ADGRL1: variants seen among roughly 807,000 people sequenced by gnomAD.
ADGRL1 encodes the protein adhesion G protein-coupled receptor L1.
A neutral mutation model predicts 148.9 loss-of-function variants in ADGRL1; 31 were observed. The observed-to-expected ratio is 0.21, with a 90% CI of 0.16 to 0.28. ADGRL1 has a LOEUF of 0.28. ADGRL1 is among the 10% of genes least tolerant of loss of function. ADGRL1 has a pLI of 1.00. For synonymous variants in ADGRL1, 937 were observed against 900.3 expected (o/e 1.04, Z -0.73); for missense variants, 1,521 against 2,058.8 (o/e 0.74, Z 5.05).
At chr19:14,198,766 C>T (rs964196437) in intron 1 of ADGRL1, among the ~76,000 whole-genome samples, 9 of 152,152 alleles carry the variant, frequency 5.9e-5, no homozygotes, top group African/African-American at 2.2e-4. Flanking sequence ...CACAGATGCT[C>T]CTTCCCCTCC....
At chr19:14,191,697 T>TC (rs200381074) in intron 1 of ADGRL1, among the ~76,000 whole-genome samples, 55 of 106,654 alleles carry the variant, frequency 5.2e-4, no homozygotes, top group African/African-American at 1.7e-3. Context: ...TGTCTCTCTC[T>TC]TTTTTTTTTT....
In ADGRL1 at chr19:14,160,758, C is replaced by A; in HGVS notation, c.1511-62G>T. 1.1e-6 allele frequency: 1 copy of A among 944,070 alleles called. No individual in the cohort carries two copies. The allele number at this position is 944,070 out of a possible 1,614,324, so 58.5% of individuals were successfully genotyped here. On this transcript the variant is annotated intron_variant, in intron 6 of 22. Coordinates refer to ENST00000361434, the MANE Select transcript of ADGRL1 (RefSeq NM_014921.5). The surrounding 1 kb of genome is among the most constrained non-coding windows in gnomAD (Gnocchi z 5.9). The stretch of plus-strand genomic sequence containing the variant: ...CAAAGGGAAGAAGAGAAGGATGGGA[C>A]AGAGAGGGGGAAAGGAGATGACAGA...
At chr19:14,205,417 A>AC (rs1266248642) in intron 1 of ADGRL1, among the ~76,000 whole-genome samples, 8 of 150,588 alleles carry the variant, frequency 5.3e-5, no homozygotes, top group Admixed American at 2.0e-4. Flanking sequence ...ACCCAGACGG[A>AC]CCCCTCCCCA....
intron 1 of ADGRL1, among the ~76,000 whole-genome samples, chr19:14,198,715 G>T (rs1972420289): frequency 1.3e-5 from 2 of 151,900 alleles, no homozygotes; most frequent in Non-Finnish European, 2.9e-5. Context: ...TCCCCTTTGA[G>T]CCACCATCTT....
At chr19:14,194,401 C>T (rs1400762926) in intron 1 of ADGRL1, among the ~76,000 whole-genome samples, 2 of 152,190 alleles carry the variant, frequency 1.3e-5, no homozygotes, top group Non-Finnish European at 2.9e-5. Context: ...AAACAGCAAA[C>T]GACAGGGTGA....
rs1472010164 is a variant in ADGRL1, at chr19:14,162,215, T to A, written c.1195+391A>T. 6.6e-6 allele frequency among the ~76,000 whole-genome samples: 1 copy of A among 152,136 alleles called. No homozygotes were observed. Among genetic ancestry groups the A allele is most frequent in the Non-Finnish European group, 1.5e-5 (1 of 68,032 alleles). ...GCCCGGTCAGCATCAGCAGCTCAGC[T>A]CTTTTGTGGATACTGGACTTCCACC... On this transcript the variant is annotated intron_variant, in intron 5 of 22. Transcript: ENST00000361434. This position sits in a 1 kb window ranked among gnomAD's most constrained non-coding sequence, Gnocchi z 5.4.
At position 14,184,632 on chromosome 19, in the gene ADGRL1, TTA is replaced by T. The variant is rs1568618720; in HGVS notation, c.-95-937_-95-936del. ...TTTATTTATTTATTTATTTATTTATTTATTTATTTATTTATTTTTTTTTCTGA... is the reference window on the plus strand; with the variant it reads ...TTTATTTATTTATTTATTTATTTATTTTTATTTATTTATTTTTTTTTCTGA... On this transcript the variant is annotated intron_variant, in intron 1 of 22. Coordinates refer to ENST00000361434, the MANE Select transcript of ADGRL1 (RefSeq NM_014921.5). Among the ~76,000 whole-genome samples, 93 of 129,758 alleles carry T rather than the reference TTA, an allele frequency of 7.2e-4. 1 individual carries two copies. The highest frequency in any genetic ancestry group is 3.1e-3 in the African/African-American group (89 of 28,348). 85.1% of individuals were successfully genotyped at this position (129,758 alleles called of 152,430 possible). A position where few individuals can be genotyped will look rare whatever the true frequency, so the allele number is the denominator to read the frequency against.
intron 1 of ADGRL1, among the ~76,000 whole-genome samples, chr19:14,185,018 A>C (rs2145048052): frequency 6.6e-6 from 1 of 152,130 alleles, no homozygotes; most frequent in East Asian, 1.9e-4. Flanking sequence ...CCTGGGCTTA[A>C]GGGATCTTCC....
intron 3 of ADGRL1, among the ~76,000 whole-genome samples, chr19:14,174,319 C>T (rs1490000515): frequency 1.3e-5 from 2 of 152,098 alleles, no homozygotes; most frequent in Admixed American, 6.6e-5. Flanking sequence ...AGGGCACCCT[C>T]GGCAGGGGTG....
chr19:14,151,167 G>A lies in ADGRL1; in HGVS notation c.4116C>T (p.Ser1372=), dbSNP rs1416733234. The part of the protein sequence containing the change: ...EDGATSRPLS[S]PPGRDSLYAS... ...CATAGAGGGAGTCCCGGCCAGGAGG[G>A]GAGGAGAGGGGCCGGCTGGTGGCGC... Residue 1372 remains serine, a synonymous_variant, in exon 23 of 23, where the codon TCC becomes TCT. Coordinates refer to ENST00000361434, the MANE Select transcript of ADGRL1 (RefSeq NM_014921.5). 5.0e-6 allele frequency: 8 copies of A among 1,608,886 alleles called. No homozygotes were observed. The highest frequency in any genetic ancestry group is 1.1e-5 in the South Asian group (1 of 90,680).
chr19:14,166,208 C>T (rs993908231), intron 4 of ADGRL1, among the ~76,000 whole-genome samples: 5 of 151,732 alleles, frequency 3.3e-5, no homozygotes, highest in Non-Finnish European at 5.9e-5. Context: ...CCCCACCCTT[C>T]GCTCCCCCAA....
chr19:14,189,113 C>T (rs1971771613), intron 1 of ADGRL1, among the ~76,000 whole-genome samples: 1 of 152,172 alleles, frequency 6.6e-6, no homozygotes. Context: ...AATGCCCACT[C>T]CCCTTGTCGC....
chr19:14,151,585 C>G lies in ADGRL1; in HGVS notation c.3698G>C (p.Gly1233Ala). The G allele has an allele frequency of 6.2e-7, 1 of 1,606,140 alleles. No individual in the cohort carries two copies. The highest frequency in any genetic ancestry group is 8.5e-7 in the Non-Finnish European group (1 of 1,178,796). Residue 1233 changes from glycine to alanine, a missense_variant, in exon 23 of 23, where the codon GGC (glycine) becomes GCC (alanine). By Grantham distance (60) the Gly-to-Ala change is moderately conservative. Transcript: ENST00000361434. ...GCCGTTCAGGGGCAGGGTGTCCATGCCACAGGCTTCCCGGCCTCCCAAGGG... is the reference window on the plus strand; with the variant it reads ...GCCGTTCAGGGGCAGGGTGTCCATGGCACAGGCTTCCCGGCCTCCCAAGGG... ...KHPLGGREAC[G>A]MDTLPLNGNF...
chr19:14,156,568 G>GTGT (rs755206491), intron 16 of ADGRL1, 90 bp downstream of exon 16: 632 of 825,270 alleles, frequency 7.7e-4, no homozygotes, highest in East Asian at 3.1e-3. Flanking sequence ...TGTGTGTGTG[G>GTGT]GGGGGGTGGG....
chr19:14,162,661 G>C lies in ADGRL1; in HGVS notation c.1140C>G (p.Asn380Lys). ...GGCTGTAGCGCACCACGAAATAGTT[G>C]TTCCAGACGTACAGCTGGTTGTCGC... ...NPRDNQLYVWNNYFVVRYSLE... is the reference protein window; with the variant it reads ...NPRDNQLYVWKNYFVVRYSLE... Residue 380 changes from asparagine to lysine, a missense_variant, in exon 5 of 23, where the codon AAC (asparagine) becomes AAG (lysine). By Grantham distance (94) the Asn-to-Lys change is moderately conservative. This residue lies in a region of ADGRL1 where 270 missense variants were observed against 320.4 expected (regional missense o/e 0.84). Coordinates refer to ENST00000361434, the MANE Select transcript of ADGRL1 (RefSeq NM_014921.5). The surrounding 1 kb of genome is among the most constrained non-coding windows in gnomAD (Gnocchi z 5.4). The C allele has an allele frequency of 6.2e-7, 1 of 1,613,852 alleles. No homozygotes were observed. The highest frequency in any genetic ancestry group is 8.5e-7 in the Non-Finnish European group (1 of 1,179,822).
chr19:14,196,506 G>C lies in ADGRL1; in HGVS notation c.-96+9479C>G, dbSNP rs183934035. 6.9e-3 allele frequency among the ~76,000 whole-genome samples: 1,055 copies of C among 152,302 alleles called. 4 individuals carry two copies. The highest frequency in any genetic ancestry group is 0.011 in the Non-Finnish European group (754 of 68,016). On this transcript the variant is annotated intron_variant, in intron 1 of 22. Transcript: ENST00000361434. ...ATAGTGGCACACGCCTGTGATCCCA[G>C]CTCCTCGGGAGGCTTAGGTGGGAGG...
chr19:14,166,841 C>T (rs1375872030), intron 4 of ADGRL1, among the ~76,000 whole-genome samples: 2 of 151,182 alleles, frequency 1.3e-5, no homozygotes, highest in African/African-American at 2.4e-5. Flanking sequence ...TGGAGATGCC[C>T]GTGGCCGCAC....
Position 14,155,281 on chromosome 19 carries a change from AC to A in ADGRL1, c.3294+77del, listed in dbSNP as rs1420943597. 1 of 1,531,544 alleles carries A rather than the reference AC, an allele frequency of 6.5e-7. No individual in the cohort carries two copies. Among genetic ancestry groups the A allele is most frequent in the African/African-American group, 1.4e-5 (1 of 72,752 alleles). 94.9% of individuals were successfully genotyped at this position (1,531,544 alleles called of 1,614,324 possible). On this transcript the variant is annotated intron_variant, in intron 18 of 22. Coordinates refer to ENST00000361434, the MANE Select transcript of ADGRL1 (RefSeq NM_014921.5). The surrounding 1 kb of genome is among the most constrained non-coding windows in gnomAD (Gnocchi z 5.0). ...TTGAGGGAGCCCCTGAGTCCCCTCC[AC>A]CCTCGCCGCCTTCTCCTGGGTACCC... is the stretch of plus-strand genomic sequence containing the variant.
chr19:14,176,229 T>C (rs966663252), intron 3 of ADGRL1, among the ~76,000 whole-genome samples: 2 of 151,722 alleles, frequency 1.3e-5, no homozygotes, highest in Non-Finnish European at 2.9e-5. Context: ...TGCGCGCCTG[T>C]AGTCCTAGCT....
Sources: gnomAD v4.1 joint callset for allele counts (sites outside exome capture counted in the v4.1 genomes callset) on GRCh38, gnomAD v4.1.1 for gene constraint, gnomAD v4.1.1 regional missense constraint, Gnocchi (gnomAD v3.1) non-coding constraint, MANE v1.5 for transcripts, NCBI Gene and HGNC (gene_info 2026-07-23, HGNC 2026-07-21) for gene names.